SNTG1: variants seen among roughly 807,000 people sequenced by gnomAD.
SNTG1 encodes the protein gamma-1-syntrophin.
Under a neutral mutation model 74.7 loss-of-function variants are expected in SNTG1, and 39 were observed. The ratio of observed to expected loss-of-function variants is 0.52; its 90% CI spans 0.40 to 0.68. The LOEUF is 0.68. Among genes scored for constraint, SNTG1 ranks in the 30% least tolerant of loss-of-function variants. The pLI, the probability that SNTG1 is intolerant of heterozygous loss-of-function variation, is 0.00. For missense variants in SNTG1, 685 were observed against 609.5 expected (o/e 1.12, Z -1.30); for synonymous variants, 254 against 217.1 (o/e 1.17, Z -1.49).
intron 12 of SNTG1, among the ~76,000 whole-genome samples, chr8:50,576,598 T>C (rs2094578006): frequency 6.6e-6 from 1 of 152,288 alleles, no homozygotes; most frequent in African/African-American, 2.4e-5. Flanking sequence ...TCTATGAAGA[T>C]GGAATTTTTT....
chr8:50,792,199 C>T (rs10958125), intron 18 of SNTG1, among the ~76,000 whole-genome samples: 33,419 of 151,350 alleles, frequency 0.22, 3,858 homozygotes, highest in South Asian at 0.33. Context: ...TATAAGAGTT[C>T]ATATCCCCTT....
chr8:50,131,923 C>T (rs2081332094), intron 1 of SNTG1, among the ~76,000 whole-genome samples: 1 of 151,982 alleles, frequency 6.6e-6, no homozygotes, highest in Non-Finnish European at 1.5e-5. Context: ...TTTTGATTTG[C>T]ATTTCTCTGA....
At chr8:50,511,519 A>T (rs539550788) in intron 9 of SNTG1, among the ~76,000 whole-genome samples, 7 of 152,288 alleles carry the variant, frequency 4.6e-5, no homozygotes, top group African/African-American at 9.6e-5. Flanking sequence ...GCGTAGTGTT[A>T]AAGTCTCCCA....
chr8:50,546,396 T>C (rs972856663), intron 11 of SNTG1, among the ~76,000 whole-genome samples: 13 of 152,080 alleles, frequency 8.5e-5, no homozygotes, highest in African/African-American at 2.9e-4. Flanking sequence ...ATTATTATTA[T>C]TATACTTTAA....
At chr8:49,923,390 A>G (rs1806728844) in intron 1 of SNTG1, among the ~76,000 whole-genome samples, 1 of 152,120 alleles carries the variant, frequency 6.6e-6, no homozygotes, top group Admixed American at 6.6e-5. Flanking sequence ...CCTAGAAATT[A>G]TTTACATTAT....
At chr8:50,530,558 G>A (rs1433432006) in intron 10 of SNTG1, among the ~76,000 whole-genome samples, 2 of 152,040 alleles carry the variant, frequency 1.3e-5, no homozygotes, top group Admixed American at 1.3e-4. Flanking sequence ...TGTGATTTCA[G>A]GTTCAAAATG....
At chr8:50,720,666 C>G (rs2095485618) in intron 17 of SNTG1, among the ~76,000 whole-genome samples, 1 of 152,158 alleles carries the variant, frequency 6.6e-6, no homozygotes, top group Non-Finnish European at 1.5e-5. Context: ...GAAGATTCAT[C>G]AAGACAATTT....
At chr8:50,588,119 CAA>C (rs201985462) in intron 12 of SNTG1, among the ~76,000 whole-genome samples, 2 of 117,164 alleles carry the variant, frequency 1.7e-5, no homozygotes, top group Admixed American at 9.0e-5. Context: ...GACTCCGACT[CAA>C]AAAAAAAAAA....
intron 13 of SNTG1, among the ~76,000 whole-genome samples, chr8:50,612,001 A>T (rs1255923704): frequency 6.6e-6 from 1 of 152,106 alleles, no homozygotes; most frequent in Non-Finnish European, 1.5e-5. Context: ...CAAACGGTTC[A>T]TCTGCCTCGG....
intron 1 of SNTG1, among the ~76,000 whole-genome samples, chr8:50,117,366 C>T (rs990440554): frequency 3.3e-5 from 5 of 151,970 alleles, no homozygotes; most frequent in African/African-American, 7.2e-5. Flanking sequence ...GATCAAAATG[C>T]GTGTGATTCT....
chr8:50,265,376 G>A lies in SNTG1; in HGVS notation c.-28+92741G>A, dbSNP rs533047632. Among the ~76,000 whole-genome samples, 8 of 151,936 alleles carry A rather than the reference G, an allele frequency of 5.3e-5. No homozygotes were observed. In the South Asian group the frequency reaches 6.2e-4, roughly 12 times the overall value. ...ATTATTGGAATAACTGGAAACCACC[G>A]GATTTTCTTAATAGATGTAGAAACA... On this transcript the variant is annotated intron_variant, in intron 2 of 18. Coordinates refer to ENST00000642720, the MANE Select transcript of SNTG1 (RefSeq NM_018967.5).
intron 10 of SNTG1, 85 bp from the exon 11 acceptor site, chr8:50,536,589 ATAAT>A: frequency 1.4e-6 from 2 of 1,459,638 alleles, no homozygotes; most frequent in Non-Finnish European, 1.9e-6. Context: ...TAGGGGAAAA[ATAAT>A]ATCCCCCAGA....
At chr8:50,103,808 A>G (rs187509474) in intron 1 of SNTG1, among the ~76,000 whole-genome samples, 172 of 152,298 alleles carry the variant, frequency 1.1e-3, no homozygotes, top group South Asian at 5.8e-3. Context: ...TCCTGCATCT[A>G]TTGAGATAGT....
At chr8:50,708,492 A>G (rs1176397158) in intron 16 of SNTG1, 1 of 166,994 alleles carries the variant, frequency 6.0e-6, no homozygotes, top group Non-Finnish European at 1.3e-5. Context: ...CTATTTAACA[A>G]TAGTTCTCTT....
chr8:50,682,266 C>A (rs1405921308), intron 15 of SNTG1, among the ~76,000 whole-genome samples: 1 of 151,984 alleles, frequency 6.6e-6, no homozygotes, highest in African/African-American at 2.4e-5. Flanking sequence ...TTGGACCCCA[C>A]AGTGTAAGCT....
intron 2 of SNTG1, among the ~76,000 whole-genome samples, chr8:50,364,400 G>A (rs574914312): frequency 1.2e-4 from 18 of 152,194 alleles, no homozygotes; most frequent in South Asian, 4.1e-4. Context: ...GACCAAATAC[G>A]GATTTCTATG....
At chr8:50,743,548 A>G (rs2095548504) in intron 17 of SNTG1, among the ~76,000 whole-genome samples, 1 of 151,062 alleles carries the variant, frequency 6.6e-6, no homozygotes, top group Non-Finnish European at 1.5e-5. Context: ...CAATGCTGAA[A>G]GACTGAAAGT....
chr8:50,475,224 T>TAAA (rs1436741061), intron 8 of SNTG1, among the ~76,000 whole-genome samples: 1 of 147,542 alleles, frequency 6.8e-6, no homozygotes, highest in Non-Finnish European at 1.5e-5. Flanking sequence ...ACTTAAAGTA[T>TAAA]AATAATAATA....
chr8:50,393,290 T>C (rs916860522), intron 2 of SNTG1, among the ~76,000 whole-genome samples: 2 of 152,094 alleles, frequency 1.3e-5, no homozygotes, highest in African/African-American at 4.8e-5. Context: ...TTTGCCACAC[T>C]TACCTGATAA....
Sources: gnomAD v4.1 joint callset for allele counts (sites outside exome capture counted in the v4.1 genomes callset) on GRCh38, gnomAD v4.1.1 for gene constraint, MANE v1.5 for transcripts, NCBI Gene and HGNC (gene_info 2026-07-23, HGNC 2026-07-21) for gene names.